SENP7: variants seen among roughly 807,000 people sequenced by gnomAD.
The protein encoded by SENP7 is SUMO specific peptidase 7.
Under a neutral mutation model 141.2 loss-of-function variants are expected in SENP7, and 64 were observed. The observed-to-expected ratio is 0.45, with a 90% CI of 0.37 to 0.56. The LOEUF is 0.56. SENP7 is among the 20% of genes least tolerant of loss of function. The pLI is 0.00. For synonymous variants in SENP7, 382 were observed against 426.4 expected, an observed-to-expected ratio of 0.90 and a Z score of 1.28; for missense variants, 1,025 against 1,212.2, an observed-to-expected ratio of 0.85 and a Z score of 2.29.
rs1307289419 is a variant in SENP7, at chr3:101,439,175, T to TGCCCCGCC, written c.284+19772_284+19779dup. On this transcript the variant is annotated intron_variant, in intron 4 of 23. Coordinates refer to ENST00000394095, the MANE Select transcript of SENP7 (RefSeq NM_020654.5). ...TCGTCTGAGATGTGGGGAGCGCCTC[T>TGCCCCGCC]GCCCCGCCGCCCCATCTGGGATGTG... Among the ~76,000 whole-genome samples, 42 of 98,932 alleles carry TGCCCCGCC rather than the reference T, an allele frequency of 4.2e-4. No homozygotes were observed. The East Asian group carries it at 6.8e-3, about 16-fold the overall frequency. 64.9% of individuals were successfully genotyped at this position (98,932 alleles called of 152,430 possible).
chr3:101,451,230 T>G (rs1397314779), intron 4 of SENP7, among the ~76,000 whole-genome samples: 4 of 152,036 alleles, frequency 2.6e-5, no homozygotes, highest in Non-Finnish European at 5.9e-5. Flanking sequence ...ATTAGTAGCT[T>G]ACCAACCCAA....
In SENP7 at chr3:101,364,924, A is replaced by G; in HGVS notation, c.1386T>C (p.Ser462=). 6.3e-7 allele frequency: 1 copy of G among 1,597,328 alleles called. No individual in the cohort carries two copies. Among genetic ancestry groups the G allele is most frequent in the Non-Finnish European group, 8.5e-7 (1 of 1,171,862 alleles). Residue 462 remains serine, a synonymous_variant, in exon 10 of 24, where the codon TCT becomes TCC. Transcript: ENST00000394095. ...HKSSEILKLQ[S]KQDRETTNEN... is the part of the protein sequence containing the mutation. ...CATTAGTTGTCTCACGGTCTTGCTTAGATTGTAACTTAAGAATTTCTGAAC... is the reference window on the plus strand; with the variant it reads ...CATTAGTTGTCTCACGGTCTTGCTTGGATTGTAACTTAAGAATTTCTGAAC...
intron 5 of SENP7, among the ~76,000 whole-genome samples, chr3:101,412,075 C>G (rs1251444385): frequency 6.6e-6 from 1 of 152,070 alleles, no homozygotes; most frequent in Non-Finnish European, 1.5e-5. Flanking sequence ...GCAGGGAAAA[C>G]TCTGAGGAAC....
rs1311267928 is a variant in SENP7, at chr3:101,343,765, T to C, written c.2027A>G (p.His676Arg). The change falls in exon 14 of 24, where the codon CAT becomes CGT. Residue 676 changes from histidine to arginine, a missense_variant. By Grantham distance (29) the His-to-Arg change is conservative. This residue lies in a region of SENP7 where 295 missense variants were observed against 459.1 expected (regional missense o/e 0.64). Coordinates refer to ENST00000394095, the MANE Select transcript of SENP7 (RefSeq NM_020654.5). ...NLSSKESSFI[H>R]YYCVSTCSFP... The stretch of plus-strand genomic sequence containing the variant: ...AGAACAAGTTGAAACACAGTAATAA[T>C]GAATAAAAGAACTTTCTTTTGAAGA... The C allele has an allele frequency of 7.4e-6, 12 of 1,613,752 alleles. No homozygotes were observed. The highest frequency in any genetic ancestry group is 1.7e-5 in the Admixed American group (1 of 59,994).
chr3:101,424,518 A>C (rs189291440), intron 4 of SENP7, among the ~76,000 whole-genome samples: 331 of 151,772 alleles, frequency 2.2e-3, no homozygotes, highest in Non-Finnish European at 3.6e-3. Context: ...GAAGTACCTC[A>C]CCCTTGCACC....
At chr3:101,375,305 G>A (rs2060289685) in intron 6 of SENP7, among the ~76,000 whole-genome samples, 1 of 152,034 alleles carries the variant, frequency 6.6e-6, no homozygotes, top group African/African-American at 2.4e-5. Context: ...CACTTTGGGA[G>A]GCTGAGGCGG....
At chr3:101,357,673 A>G in intron 11 of SENP7, 1 of 748,050 alleles carries the variant, frequency 1.3e-6, no homozygotes, top group Non-Finnish European at 2.4e-6. Context: ...CTACCCAGAG[A>G]AAAATATTTC....
At chr3:101,503,732 G>A (rs2065481302) in intron 1 of SENP7, among the ~76,000 whole-genome samples, 1 of 152,136 alleles carries the variant, frequency 6.6e-6, no homozygotes, top group African/African-American at 2.4e-5. Flanking sequence ...GATCGCTTGA[G>A]CTCAGGAGTT....
At chr3:101,362,863 T>C (rs760741564) in intron 10 of SENP7, among the ~76,000 whole-genome samples, 40 of 152,342 alleles carry the variant, frequency 2.6e-4, no homozygotes, top group Middle Eastern at 3.4e-3. Flanking sequence ...TAAATTATAA[T>C]AGAAAACCAG....
At chr3:101,406,763 T>C (rs113751944) in intron 5 of SENP7, among the ~76,000 whole-genome samples, 14,253 of 152,142 alleles carry the variant, frequency 0.094, 780 homozygotes, top group African/African-American at 0.15. Context: ...CCTAGTCACA[T>C]TGTCATCAGG....
At chr3:101,336,822 T>C (rs2059198247) in intron 17 of SENP7, among the ~76,000 whole-genome samples, 1 of 152,152 alleles carries the variant, frequency 6.6e-6, no homozygotes, top group Admixed American at 6.5e-5. Context: ...TGCTCCACAG[T>C]TTTAGTATTA....
At chr3:101,328,432 G>T in intron 22 of SENP7, 46 bp downstream of exon 22, 1 of 1,383,768 alleles carries the variant, frequency 7.2e-7, no homozygotes, top group South Asian at 1.2e-5. Context: ...CAAAATTACT[G>T]AGGTTTTAGA....
chr3:101,417,821 G>GT, intron 4 of SENP7, 31 bp from the exon 5 acceptor site: 2 of 1,490,188 alleles, frequency 1.3e-6, no homozygotes, highest in Non-Finnish European at 1.9e-6. Flanking sequence ...TAGTATATAT[G>GT]GTACTACACA....
intron 11 of SENP7, among the ~76,000 whole-genome samples, chr3:101,352,399 C>T (rs1200335500): frequency 6.6e-6 from 1 of 152,018 alleles, no homozygotes; most frequent in African/African-American, 2.4e-5. Context: ...TGGGCACCAC[C>T]GTCTTCATTC....
chr3:101,453,469 A>G (rs1055796329), intron 4 of SENP7, among the ~76,000 whole-genome samples: 2 of 152,232 alleles, frequency 1.3e-5, no homozygotes, highest in Non-Finnish European at 2.9e-5. Context: ...ACCAACCCAA[A>G]TGTCCAACAA....
chr3:101,340,270 A>C, intron 15 of SENP7, 59 bp from the exon 16 acceptor site: 2 of 1,502,700 alleles, frequency 1.3e-6, no homozygotes, highest in Admixed American at 2.6e-5. Context: ...TATCTAAGAG[A>C]TTTCTTATAT....
At chr3:101,465,003 A>G (rs1051345407) in intron 3 of SENP7, among the ~76,000 whole-genome samples, 1 of 152,212 alleles carries the variant, frequency 6.6e-6, no homozygotes, top group South Asian at 2.1e-4. Context: ...TGGCCCACCC[A>G]CCACTACTGG....
At chr3:101,357,288 A>T (rs1394571460) in intron 11 of SENP7, 1 of 569,952 alleles carries the variant, frequency 1.8e-6, no homozygotes, top group Non-Finnish European at 3.3e-6. Context: ...GGCGTGAGCC[A>T]CCGCGAGGAG....
At chr3:101,454,622 C>G (rs141023632) in intron 4 of SENP7, among the ~76,000 whole-genome samples, 2 of 151,998 alleles carry the variant, frequency 1.3e-5, no homozygotes, top group Non-Finnish European at 2.9e-5. Flanking sequence ...GAAGTGGAAA[C>G]AACATAAAAA....
Sources: allele counts gnomAD v4.1 joint callset (sites outside exome capture counted in the v4.1 genomes callset), GRCh38; gene constraint gnomAD v4.1.1; regional missense constraint gnomAD v4.1.1; transcripts MANE v1.5; gene names NCBI Gene and HGNC (gene_info 2026-07-23, HGNC 2026-07-21).